SENP2: variants seen among roughly 807,000 people sequenced by gnomAD.
The protein encoded by SENP2 is SUMO specific peptidase 2.
Under a neutral mutation model 86.3 loss-of-function variants are expected in SENP2, and 16 were observed. That is an observed-to-expected ratio of 0.19 (90% CI 0.13 to 0.28). SENP2 has a LOEUF of 0.28. SENP2 is among the 10% of genes least tolerant of loss of function. The pLI, the probability that SENP2 is intolerant of heterozygous loss-of-function variation, is 1.00. For synonymous variants in SENP2, 222 were observed against 238.7 expected (o/e 0.93, Z 0.64); for missense variants, 552 against 703.0 (o/e 0.79, Z 2.43).
chr3:185,618,503 T>G (rs1362981142), intron 12 of SENP2, among the ~76,000 whole-genome samples: 1 of 152,206 alleles, frequency 6.6e-6, no homozygotes, highest in African/African-American at 2.4e-5. Context: ...CAGGAATGTT[T>G]TGTTTTACAT....
In SENP2 at chr3:185,593,750, C is replaced by T. The variant is rs573953070; in HGVS notation, c.157+3581C>T. On this transcript the variant is annotated intron_variant, in intron 2 of 16. Transcript: ENST00000296257. ...TTTCTTTTTTTTTTTTTTTTTGAGA[C>T]GGAGTTTCTTTCTCGTTGCCCAAGC... Among the ~76,000 whole-genome samples, 57 of 136,418 alleles carry T rather than the reference C, an allele frequency of 4.2e-4. 3 individuals are homozygous for T. Among genetic ancestry groups the T allele is most frequent in the East Asian group, 3.0e-3 (14 of 4,646 alleles). The allele number at this position is 136,418 out of a possible 152,430, so 89.5% of individuals were successfully genotyped here. A position where few individuals can be genotyped will look rare whatever the true frequency, so the allele number is the denominator to read the frequency against.
chr3:185,626,200 T>C, intron 15 of SENP2, 98 bp from the exon 16 acceptor site: 1 of 733,346 alleles, frequency 1.4e-6, no homozygotes, highest in Non-Finnish European at 2.3e-6. Context: ...TATTTACCTT[T>C]ATAATATTGT....
intron 11 of SENP2, among the ~76,000 whole-genome samples, chr3:185,616,597 AAC>A (rs1711617944): frequency 6.6e-6 from 1 of 151,780 alleles, no homozygotes; most frequent in African/African-American, 2.4e-5. Context: ...AACACAGTGA[AAC>A]CCCGTCTCTA....
intron 8 of SENP2, chr3:185,612,168 A>G (rs1034576292): frequency 6.1e-6 from 1 of 162,988 alleles, no homozygotes; most frequent in Admixed American, 6.0e-5. Context: ...AAAAAAAAAA[A>G]AACCTCACAG....
chr3:185,598,996 T>G lies in SENP2; in HGVS notation c.330T>G (p.Ser110=). 1 of 1,613,316 alleles carries G rather than the reference T, an allele frequency of 6.2e-7. No homozygotes were observed. Among genetic ancestry groups the G allele is most frequent in the Non-Finnish European group, 8.5e-7 (1 of 1,179,788 alleles). ...CTTCATCTTGTGAACTGACAGGTTC[T>G]GGATCCTGGAACAACATGCTGAAAC... ...SNSSSCELTG[S]GSWNNMLKLG... Residue 110 remains serine, a synonymous_variant, in exon 4 of 17, where the codon TCT becomes TCG. Coordinates refer to ENST00000296257, the MANE Select transcript of SENP2 (RefSeq NM_021627.3).
chr3:185,619,329 G>A lies in SENP2; in HGVS notation c.1273G>A (p.Glu425Lys). ...VINFYMNLLV[E>K]RNKKQGYPAL... ...TAATTTTTACATGAATCTTCTGGTG[G>A]AAAGAAATAAAAAGCAAGGCTATCC... Residue 425 changes from glutamate to lysine, a missense_variant, in exon 13 of 17, where the codon GAA becomes AAA. Glu to Lys is a moderately conservative substitution (Grantham distance 56). Transcript: ENST00000296257. 6.2e-7 allele frequency: 1 copy of A among 1,613,888 alleles called. No homozygotes were observed. Among genetic ancestry groups the A allele is most frequent in the Non-Finnish European group, 8.5e-7 (1 of 1,179,806 alleles).
At position 185,611,632 on chromosome 3, in the gene SENP2, C is replaced by T. The variant is rs747881424; in HGVS notation, c.723-19C>T. On this transcript the variant is annotated intron_variant, in intron 7 of 16. Transcript: ENST00000296257. Reference sequence around the variant, plus strand: ...CTTTGCTTTTGTATCTGATCTCCCTCACTTTTTGTGTTTCTAAGTTCTCAA... The same window carrying T: ...CTTTGCTTTTGTATCTGATCTCCCTTACTTTTTGTGTTTCTAAGTTCTCAA... 1.3e-6 allele frequency: 2 copies of T among 1,566,276 alleles called. No homozygotes were observed. Among genetic ancestry groups the T allele is most frequent in the East Asian group, 4.5e-5 (2 of 44,586 alleles).
intron 16 of SENP2, among the ~76,000 whole-genome samples, chr3:185,627,406 G>GTTTGT (rs957556385): frequency 6.6e-6 from 1 of 151,932 alleles, no homozygotes. Flanking sequence ...GCTCTTTTGT[G>GTTTGT]TTTGTTTTGT....
rs1337076378 is a variant in SENP2 at position 185,633,064 on chromosome 3, A to G, written c.*3220A>G. ...TATTCTACCTCAGTTACCGAAGGCT[A>G]TTAGAACCTCTGAATTTTTCCTCCT... On this transcript the variant is annotated 3_prime_UTR_variant, in exon 17 of 17. Transcript: ENST00000296257. The G allele has an allele frequency of 6.6e-6, 1 of 152,224 alleles. No individual in the cohort carries two copies. The highest frequency in any genetic ancestry group is 2.4e-5 in the African/African-American group (1 of 41,462). The allele number at this position is 152,224 out of a possible 1,614,324, so 9.4% of individuals were successfully genotyped here.
intron 1 of SENP2, among the ~76,000 whole-genome samples, chr3:185,588,340 C>A (rs1188616680): frequency 6.6e-6 from 1 of 151,896 alleles, no homozygotes; most frequent in African/African-American, 2.4e-5. Context: ...CCACCGCGCC[C>A]GGCCCTCGCC....
Position 185,609,429 on chromosome 3 carries a change from G to A in SENP2, c.722+79G>A, listed in dbSNP as rs143573303. 1,525 of 1,016,522 alleles carry A rather than the reference G, an allele frequency of 1.5e-3. 6 individuals carry two copies. The highest frequency in any genetic ancestry group is 2.3e-3 in the Middle Eastern group (11 of 4,738). The allele number at this position is 1,016,522 out of a possible 1,614,324, so 63.0% of individuals were successfully genotyped here. On this transcript the variant is annotated intron_variant, in intron 7 of 16. Coordinates refer to ENST00000296257, the MANE Select transcript of SENP2 (RefSeq NM_021627.3). ...TTTGGAGAAAGTATTGGTGGGAAGG[G>A]CTTTACTGAAAGAAGAGGTTAACCC... is the stretch of plus-strand genomic sequence containing the variant.
chr3:185,619,288 G>A lies in SENP2; in HGVS notation c.1243-11G>A. 2.5e-6 allele frequency: 4 copies of A among 1,599,014 alleles called. No individual in the cohort carries two copies. The East Asian group carries it at 8.9e-5, about 36-fold the overall frequency. On this transcript the variant is annotated splice_polypyrimidine_tract_variant and intron_variant, in intron 12 of 16. Transcript: ENST00000296257. ...CCATGTTCCAGCTTTTGCTCCCTTG[G>A]TATTTTGTAGGTCATTAATTTTTAC...
At chr3:185,589,996 T>A in intron 1 of SENP2, 118 bp from the exon 2 acceptor site, 2 of 528,190 alleles carry the variant, frequency 3.8e-6, no homozygotes, top group Non-Finnish European at 6.3e-6. Context: ...ATCAGTTGGA[T>A]CTCATTTTAT....
intron 13 of SENP2, among the ~76,000 whole-genome samples, chr3:185,621,414 CAG>C (rs1183599848): frequency 2.0e-5 from 2 of 98,040 alleles, no homozygotes; most frequent in South Asian, 3.3e-4. Flanking sequence ...TTTTTTGAGA[CAG>C]AGTCTCGCTA....
chr3:185,615,571 T>G (rs1577736051), intron 11 of SENP2, among the ~76,000 whole-genome samples: 1 of 152,264 alleles, frequency 6.6e-6, no homozygotes, highest in South Asian at 2.1e-4. Context: ...CTCGAACTCC[T>G]GACCTTAGAT....
intron 2 of SENP2, among the ~76,000 whole-genome samples, chr3:185,590,560 A>G (rs535066800): frequency 1.3e-5 from 2 of 150,446 alleles, no homozygotes; most frequent in Admixed American, 6.6e-5. Context: ...AAAAAAAAAA[A>G]CAAAAAAACT....
At chr3:185,627,376 CT>C (rs1444885398) in intron 16 of SENP2, among the ~76,000 whole-genome samples, 1 of 152,198 alleles carries the variant, frequency 6.6e-6, no homozygotes, top group Admixed American at 6.5e-5. Context: ...CTTGTGAATA[CT>C]GCTTTTCCTT....
At chr3:185,601,233 T>C (rs1222430920) in intron 5 of SENP2, among the ~76,000 whole-genome samples, 2 of 151,724 alleles carry the variant, frequency 1.3e-5, no homozygotes, top group African/African-American at 4.8e-5. Context: ...TTAGTAGATA[T>C]GGGGTTTCGC....
At position 185,612,557 on chromosome 3, in the gene SENP2, T is replaced by G. The variant is rs777510394; in HGVS notation, c.818-50T>G. 3 of 1,292,646 alleles carry G rather than the reference T, an allele frequency of 2.3e-6. No individual in the cohort carries two copies. The Admixed American group carries it at 5.3e-5, about 23-fold the overall frequency. The allele number at this position is 1,292,646 out of a possible 1,614,324, so 80.1% of individuals were successfully genotyped here. On this transcript the variant is annotated intron_variant, in intron 8 of 16. Coordinates refer to ENST00000296257, the MANE Select transcript of SENP2 (RefSeq NM_021627.3). ...TCTGTAAGCTGAAATTCTAACTATATTATTCATCGATGAAGGAAACATTTA... is the reference window on the plus strand; with the variant it reads ...TCTGTAAGCTGAAATTCTAACTATAGTATTCATCGATGAAGGAAACATTTA...
Sources: allele counts gnomAD v4.1 joint callset (sites outside exome capture counted in the v4.1 genomes callset), GRCh38; gene constraint gnomAD v4.1.1; transcripts MANE v1.5; gene names NCBI Gene and HGNC (gene_info 2026-07-23, HGNC 2026-07-21).